DOCK9: variants seen among roughly 807,000 people sequenced by gnomAD.
DOCK9 encodes the protein dedicator of cytokinesis 9.
In DOCK9, 89 loss-of-function variants were observed where a neutral mutation model predicts 263.3. The observed-to-expected ratio is 0.34, with a 90% CI of 0.28 to 0.40. The LOEUF (loss-of-function observed/expected upper bound fraction) is 0.40. DOCK9 is among the 10% of genes least tolerant of loss of function. DOCK9 has a pLI of 1.00. For missense variants in DOCK9, 2,140 were observed against 2,603.4 expected, an observed-to-expected ratio of 0.82 and a Z score of 3.87; for synonymous variants, 976 against 973.1, an observed-to-expected ratio of 1.00 and a Z score of -0.06.
At chr13:98,972,810 A>G (rs1284803211) in intron 1 of DOCK9, among the ~76,000 whole-genome samples, 1 of 152,222 alleles carries the variant, frequency 6.6e-6, no homozygotes, top group African/African-American at 2.4e-5. Flanking sequence ...TGTGCCTGAT[A>G]AAGATCACAT....
intron 1 of DOCK9, among the ~76,000 whole-genome samples, chr13:99,076,573 G>A (rs912047849): frequency 1.3e-5 from 2 of 152,192 alleles, no homozygotes; most frequent in African/African-American, 4.8e-5. Flanking sequence ...ATGTAGCAAT[G>A]AGAAACTCAT....
At chr13:98,801,515 C>T (rs189518437) in intron 49 of DOCK9, among the ~76,000 whole-genome samples, 2 of 152,094 alleles carry the variant, frequency 1.3e-5, no homozygotes, top group African/African-American at 4.8e-5. Context: ...TTTCCTTTAT[C>T]ATAATGAGAT....
At chr13:98,975,530 A>C (rs1033844452) in intron 1 of DOCK9, among the ~76,000 whole-genome samples, 2 of 151,506 alleles carry the variant, frequency 1.3e-5, no homozygotes, top group African/African-American at 4.8e-5. Flanking sequence ...TTCTAGGCAC[A>C]GGAGAAAGTC....
intron 1 of DOCK9, among the ~76,000 whole-genome samples, chr13:99,082,714 C>T (rs1471791486): frequency 2.0e-5 from 3 of 152,152 alleles, no homozygotes; most frequent in South Asian, 2.1e-4. Context: ...GTAGAATATA[C>T]GCCAGCCACT....
chr13:98,870,120 C>T (rs1445124352), intron 27 of DOCK9, among the ~76,000 whole-genome samples: 1 of 152,184 alleles, frequency 6.6e-6, no homozygotes, highest in Non-Finnish European at 1.5e-5. Flanking sequence ...ATAGTATTTT[C>T]TAAAACTGGG....
chr13:99,015,570 G>C (rs550145839), intron 1 of DOCK9: 6 of 1,598,164 alleles, frequency 3.8e-6, no homozygotes, highest in Non-Finnish European at 2.5e-6. Context: ...AAACGGTGCG[G>C]ATGCCTTTAA....
intron 2 of DOCK9, among the ~76,000 whole-genome samples, chr13:98,951,990 C>G (rs917069653): frequency 2.0e-5 from 3 of 151,218 alleles, no homozygotes; most frequent in Non-Finnish European, 4.4e-5. Flanking sequence ...CTCCACCTCC[C>G]AGGTTCAAGC....
intron 1 of DOCK9, among the ~76,000 whole-genome samples, chr13:99,080,403 A>T (rs2042080056): frequency 6.6e-6 from 1 of 152,212 alleles, no homozygotes; most frequent in African/African-American, 2.4e-5. Flanking sequence ...GCATATGTTC[A>T]TGGCTGGTTT....
intron 2 of DOCK9, chr13:98,950,394 C>A (rs1426620036): frequency 1.3e-5 from 12 of 891,400 alleles, no homozygotes; most frequent in South Asian, 9.8e-5. Flanking sequence ...AAGCCTTCCT[C>A]TTTTTCAGAT....
At position 98,807,657 on chromosome 13, in the gene DOCK9, A is replaced by T; in HGVS notation, c.5514+4T>A. ...CTATGAAACTTATCCAAACATGGTC[A>T]TACCTTGCCAGAATCCTGTATCATT... On this transcript the variant is annotated splice_donor_region_variant and intron_variant, in intron 48 of 52. Coordinates refer to ENST00000682017, the MANE Select transcript of DOCK9 (RefSeq NM_001366683.2). 6.2e-7 allele frequency: 1 copy of T among 1,600,232 alleles called. No homozygotes were observed. The highest frequency in any genetic ancestry group is 8.5e-7 in the Non-Finnish European group (1 of 1,170,156).
rs1364452476 is a variant in DOCK9 at position 98,887,154 on chromosome 13, T to A, written c.2044-530A>T. Among the ~76,000 whole-genome samples the A allele has an allele frequency of 8.2e-3, 399 of 48,572 alleles. 4 individuals carry two copies. The highest frequency in any genetic ancestry group is 0.023 in the African/African-American group (331 of 14,114). The allele number at this position is 48,572 out of a possible 152,430, so 31.9% of individuals were successfully genotyped here. ...ATATATATATATATATTTTTTTTTTTTTTTTTTTTTTTTGCATCTTTGTCT... is the reference window on the plus strand; with the variant it reads ...ATATATATATATATATTTTTTTTTTATTTTTTTTTTTTTGCATCTTTGTCT... On this transcript the variant is annotated intron_variant, in intron 18 of 52. Transcript: ENST00000682017.
At chr13:99,033,118 A>G (rs987483588) in intron 1 of DOCK9, among the ~76,000 whole-genome samples, 1 of 152,240 alleles carries the variant, frequency 6.6e-6, no homozygotes, top group Non-Finnish European at 1.5e-5. Flanking sequence ...ATTTAAACAT[A>G]CATAGCCACC....
intron 49 of DOCK9, among the ~76,000 whole-genome samples, chr13:98,801,645 CTT>C (rs1300409188): frequency 2.6e-5 from 4 of 152,160 alleles, no homozygotes; most frequent in African/African-American, 9.7e-5. Context: ...AATATTCTCA[CTT>C]GACATATATT....
At chr13:98,821,982 A>G (rs1018927365) in intron 45 of DOCK9, among the ~76,000 whole-genome samples, 1 of 152,134 alleles carries the variant, frequency 6.6e-6, no homozygotes, top group African/African-American at 2.4e-5. Context: ...TTCTTGCAAC[A>G]TCCTGGCAGC....
chr13:99,022,940 C>T (rs1886296438), intron 1 of DOCK9, among the ~76,000 whole-genome samples: 3 of 152,126 alleles, frequency 2.0e-5, no homozygotes, highest in South Asian at 2.1e-4. Flanking sequence ...TAGAGACAGA[C>T]CCTGTCTCTA....
intron 1 of DOCK9, among the ~76,000 whole-genome samples, chr13:99,054,110 T>G (rs558561377): frequency 1.3e-5 from 2 of 152,334 alleles, no homozygotes; most frequent in South Asian, 4.1e-4. Flanking sequence ...TTGCCGCATC[T>G]CAAAAGAGGA....
At chr13:98,970,813 T>G (rs2059660450) in intron 1 of DOCK9, among the ~76,000 whole-genome samples, 1 of 152,212 alleles carries the variant, frequency 6.6e-6, no homozygotes, top group Non-Finnish European at 1.5e-5. Flanking sequence ...CACAGTCATA[T>G]GCTATCTGTA....
At chr13:98,965,591 T>C (rs1316568266) in intron 1 of DOCK9, among the ~76,000 whole-genome samples, 2 of 152,202 alleles carry the variant, frequency 1.3e-5, no homozygotes, top group Non-Finnish European at 2.9e-5. Flanking sequence ...GCCCAGGATC[T>C]TGTCTCAGCC....
chr13:99,065,977 T>G (rs2041398559), intron 1 of DOCK9, among the ~76,000 whole-genome samples: 1 of 152,206 alleles, frequency 6.6e-6, no homozygotes, highest in Non-Finnish European at 1.5e-5. Flanking sequence ...TTTTCAAGCA[T>G]CTATAAAATA....
Sources: gnomAD v4.1 joint callset for allele counts (sites outside exome capture counted in the v4.1 genomes callset) on GRCh38, gnomAD v4.1.1 for gene constraint, MANE v1.5 for transcripts, NCBI Gene and HGNC (gene_info 2026-07-23, HGNC 2026-07-21) for gene names.